Variants in EPHA4 observed in about 807,000 individuals in gnomAD.
EPHA4 encodes EPH receptor A4.
EPHA4 carries 19 observed loss-of-function variants against 108.3 expected under a neutral mutation model. That is an observed-to-expected ratio of 0.18 (90% CI 0.12 to 0.26). The LOEUF is 0.26. Among genes scored for constraint, EPHA4 ranks in the 10% least tolerant of loss-of-function variants. The pLI, the probability that EPHA4 is intolerant of heterozygous loss-of-function variation, is 1.00. For missense variants in EPHA4, 917 were observed against 1,254.0 expected (o/e 0.73, Z 4.06); for synonymous variants, 449 against 455.5 (o/e 0.99, Z 0.18).
chr2:221,523,159 C>T (rs1370418997), intron 3 of EPHA4, among the ~76,000 whole-genome samples: 2 of 152,118 alleles, frequency 1.3e-5, no homozygotes, highest in African/African-American at 2.4e-5. Context: ...CACTGGCGAT[C>T]AGTTGGGTAA....
At chr2:221,449,622 G>A (rs3770181) in intron 8 of EPHA4, among the ~76,000 whole-genome samples, 51,851 of 151,996 alleles carry the variant, frequency 0.34, 8,953 homozygotes, top group African/African-American at 0.4. Flanking sequence ...AAGGGTATTA[G>A]CAGACATTGT....
At chr2:221,458,938 T>C (rs752863672) in intron 5 of EPHA4, among the ~76,000 whole-genome samples, 1 of 152,162 alleles carries the variant, frequency 6.6e-6, no homozygotes, top group Non-Finnish European at 1.5e-5. Context: ...CCAATGTATA[T>C]ATTCTTTTAT....
intron 3 of EPHA4, among the ~76,000 whole-genome samples, chr2:221,531,457 C>G (rs1358832726): frequency 6.6e-6 from 1 of 151,826 alleles, no homozygotes; most frequent in East Asian, 1.9e-4. Context: ...TCCTGGCAGC[C>G]CTTAGGCAGA....
intron 4 of EPHA4, among the ~76,000 whole-genome samples, chr2:221,497,715 G>A (rs1328820594): frequency 6.6e-6 from 1 of 151,876 alleles, no homozygotes; most frequent in Non-Finnish European, 1.5e-5. Flanking sequence ...CAGCCTGGGT[G>A]ACAGAGTGAG....
At chr2:221,485,576 C>G (rs750263373) in intron 4 of EPHA4, among the ~76,000 whole-genome samples, 10 of 152,114 alleles carry the variant, frequency 6.6e-5, no homozygotes, top group Non-Finnish European at 1.3e-4. Context: ...ATAGAAAATC[C>G]ATCCAATATG....
At chr2:221,509,872 G>A (rs1692773287) in intron 3 of EPHA4, among the ~76,000 whole-genome samples, 1 of 152,208 alleles carries the variant, frequency 6.6e-6, no homozygotes, top group Non-Finnish European at 1.5e-5. Context: ...GACATAACGG[G>A]AAAGGCCTGA....
At chr2:221,439,666 T>C (rs2106102447) in intron 11 of EPHA4, among the ~76,000 whole-genome samples, 1 of 151,842 alleles carries the variant, frequency 6.6e-6, no homozygotes, top group South Asian at 2.1e-4. Flanking sequence ...GACCATAGTC[T>C]TCTGACAGAA....
intron 17 of EPHA4, among the ~76,000 whole-genome samples, chr2:221,421,241 A>G (rs1165588666): frequency 6.6e-6 from 1 of 152,002 alleles, no homozygotes; most frequent in Admixed American, 6.6e-5. Flanking sequence ...CGGAGCTTGC[A>G]GTGAGCCGAG....
chr2:221,458,543 A>C (rs1051927446), intron 5 of EPHA4, among the ~76,000 whole-genome samples: 1 of 152,228 alleles, frequency 6.6e-6, no homozygotes, highest in Non-Finnish European at 1.5e-5. Context: ...GTTCAGTCTG[A>C]ACACAACCAT....
intron 4 of EPHA4, 124 bp downstream of exon 4, chr2:221,500,893 G>A: frequency 1.9e-6 from 2 of 1,079,374 alleles, no homozygotes; most frequent in Non-Finnish European, 2.6e-6. Flanking sequence ...GATTGAGAAA[G>A]GATGAATGTT....
chr2:221,445,461 G>A (rs897506022), intron 9 of EPHA4, among the ~76,000 whole-genome samples: 17 of 151,700 alleles, frequency 1.1e-4, no homozygotes. Context: ...GTCGTGGCGG[G>A]TGCCTGTAAT....
At chr2:221,473,503 T>C (rs1033115280) in intron 5 of EPHA4, among the ~76,000 whole-genome samples, 20 of 139,020 alleles carry the variant, frequency 1.4e-4, no homozygotes, top group Non-Finnish European at 7.5e-5. Context: ...GATCTCTTAA[T>C]GCAAGATAAG....
At chr2:221,525,049 A>G (rs1018039054) in intron 3 of EPHA4, among the ~76,000 whole-genome samples, 3 of 30,732 alleles carry the variant, frequency 9.8e-5, no homozygotes, top group African/African-American at 2.7e-4. Flanking sequence ...GCCTTTTGAA[A>G]GAGTTTACTA....
At chr2:221,551,750 G>A (rs1448946290) in intron 3 of EPHA4, among the ~76,000 whole-genome samples, 1 of 152,044 alleles carries the variant, frequency 6.6e-6, no homozygotes, top group Non-Finnish European at 1.5e-5. Flanking sequence ...CAGATCATTT[G>A]AGACCATTCA....
intron 3 of EPHA4, among the ~76,000 whole-genome samples, chr2:221,537,277 C>G (rs1383712519): frequency 1.3e-5 from 2 of 152,172 alleles, no homozygotes; most frequent in Non-Finnish European, 2.9e-5. Flanking sequence ...TCTCAGTGCT[C>G]CAAATACTTC....
intron 3 of EPHA4, among the ~76,000 whole-genome samples, chr2:221,523,028 G>A (rs1693217962): frequency 1.3e-5 from 2 of 152,140 alleles, no homozygotes; most frequent in African/African-American, 4.8e-5. Context: ...CTCCCAAAGT[G>A]CTGGGATTAC....
intron 1 of EPHA4, among the ~76,000 whole-genome samples, chr2:221,570,447 CCT>C (rs1694796765): frequency 1.3e-5 from 2 of 152,246 alleles, no homozygotes; most frequent in Non-Finnish European, 2.9e-5. Context: ...ATCCACGATT[CCT>C]CTCAGGGGAA....
In EPHA4 at chr2:221,482,681, G is replaced by A. The variant is rs1367956019; in HGVS notation, c.989C>T (p.Ser330Phe). Residue 330 changes from serine (S) to phenylalanine (F), a missense_variant, in exon 5 of 18, where the codon TCT (serine) becomes TTT (phenylalanine). By Grantham distance (155) the Ser-to-Phe change is radical (BLOSUM62 -2). Coordinates refer to ENST00000281821, the MANE Select transcript of EPHA4 (RefSeq NM_004438.5). ...AASMPCTRPP[S>F]APLNLISNVN... Reference sequence around the variant, plus strand: ...ATTTGAAATCAAGTTCAGGGGAGCAGATGGTGGACCTGGAGAAAGAAAACC... The same window carrying A: ...ATTTGAAATCAAGTTCAGGGGAGCAAATGGTGGACCTGGAGAAAGAAAACC... 8 of 1,593,564 alleles carry A rather than the reference G, an allele frequency of 5.0e-6. No homozygotes were observed. The Admixed American group carries it at 1.2e-4, about 23-fold the overall frequency.
rs188795943 is a variant in EPHA4, at chr2:221,469,600, C to T, written c.1319-11610G>A. Among the ~76,000 whole-genome samples, 50 of 152,248 alleles carry T rather than the reference C, an allele frequency of 3.3e-4. No homozygotes were observed. The East Asian group carries it at 5.6e-3, about 17-fold the overall frequency. ...AGCCTGAATATATTATAAATTACTCCGTCTTCATCACTATCTCAGTGATGG... is the reference window on the plus strand; with the variant it reads ...AGCCTGAATATATTATAAATTACTCTGTCTTCATCACTATCTCAGTGATGG... On this transcript the variant is annotated intron_variant, in intron 5 of 17. Coordinates refer to ENST00000281821, the MANE Select transcript of EPHA4 (RefSeq NM_004438.5).
Sources: allele counts gnomAD v4.1 joint callset (sites outside exome capture counted in the v4.1 genomes callset), GRCh38; gene constraint gnomAD v4.1.1; transcripts MANE v1.5; gene names NCBI Gene and HGNC (gene_info 2026-07-23, HGNC 2026-07-21).